Variants in PTPRD observed in about 807,000 individuals in gnomAD.
PTPRD encodes the protein receptor-type tyrosine-protein phosphatase delta.
PTPRD carries 34 observed loss-of-function variants against 214.5 expected under a neutral mutation model. That is an observed-to-expected ratio of 0.16 (90% CI 0.12 to 0.21). The LOEUF is 0.21. Ranked by LOEUF, PTPRD falls within the 10% of genes least tolerant of loss-of-function variation. The pLI is 1.00. For synonymous variants in PTPRD, 1,128 were observed against 845.7 expected (o/e 1.33, Z -5.79); for missense variants, 2,545 against 2,398.7 (o/e 1.06, Z -1.27).
At chr9:9,988,838 A>G (rs1416969998) in intron 4 of PTPRD, among the ~76,000 whole-genome samples, 1 of 151,886 alleles carries the variant, frequency 6.6e-6, no homozygotes, top group African/African-American at 2.4e-5. Flanking sequence ...ACATTATATA[A>G]GGGATATCTT....
chr9:9,903,061 G>C (rs1367354291), intron 5 of PTPRD, among the ~76,000 whole-genome samples: 1 of 135,354 alleles, frequency 7.4e-6, no homozygotes, highest in African/African-American at 3.0e-5. Flanking sequence ...ATATGTATAT[G>C]TGTATTTGAG....
intron 5 of PTPRD, among the ~76,000 whole-genome samples, chr9:9,915,564 T>A (rs2080492035): frequency 6.7e-6 from 1 of 150,238 alleles, no homozygotes; most frequent in Non-Finnish European, 1.5e-5. Context: ...ACAGAAGTAC[T>A]AAAGCTGAAT....
chr9:9,752,698 G>T (rs1267397086), intron 6 of PTPRD, among the ~76,000 whole-genome samples: 5 of 151,938 alleles, frequency 3.3e-5, no homozygotes, highest in African/African-American at 1.2e-4. Flanking sequence ...AGATGCAGTG[G>T]GGACGGAGGG....
At chr9:10,168,221 C>A (rs181882028) in intron 3 of PTPRD, among the ~76,000 whole-genome samples, 1 of 152,058 alleles carries the variant, frequency 6.6e-6, no homozygotes, top group Non-Finnish European at 1.5e-5. Context: ...GTAATAAAAT[C>A]TAGTTTAACA....
intron 3 of PTPRD, among the ~76,000 whole-genome samples, chr9:10,175,250 C>T (rs1357853984): frequency 6.6e-6 from 1 of 151,878 alleles, no homozygotes; most frequent in Admixed American, 6.6e-5. Context: ...AGTCTCTTCC[C>T]TTGAAAAACT....
intron 14 of PTPRD, among the ~76,000 whole-genome samples, chr9:8,567,995 T>C (rs2154221351): frequency 6.6e-6 from 1 of 152,286 alleles, no homozygotes; most frequent in African/African-American, 2.4e-5. Flanking sequence ...TCACGGAAAT[T>C]TAACAAAACT....
intron 36 of PTPRD, among the ~76,000 whole-genome samples, chr9:8,394,603 T>C (rs2090576330): frequency 6.6e-6 from 1 of 152,302 alleles, no homozygotes; most frequent in Non-Finnish European, 1.5e-5. Flanking sequence ...ACAAGATGTG[T>C]TGGACAAACT....
At chr9:8,491,783 A>T (rs113340640) in intron 27 of PTPRD, among the ~76,000 whole-genome samples, 11 of 152,150 alleles carry the variant, frequency 7.2e-5, no homozygotes, top group African/African-American at 2.7e-4. Flanking sequence ...TGACATTTAG[A>T]CAAAGCTGGC....
At chr9:8,793,834 T>C (rs892502) in intron 11 of PTPRD, among the ~76,000 whole-genome samples, 3,531 of 152,280 alleles carry the variant, frequency 0.023, 161 homozygotes, top group African/African-American at 0.08. Context: ...TATCTAGGTT[T>C]GTATTTTTGA....
intron 11 of PTPRD, among the ~76,000 whole-genome samples, chr9:8,773,296 T>G (rs2095315355): frequency 6.6e-6 from 1 of 152,226 alleles, no homozygotes; most frequent in South Asian, 2.1e-4. Flanking sequence ...TACTATGTCC[T>G]GCAGACTCCA....
intron 8 of PTPRD, among the ~76,000 whole-genome samples, chr9:9,553,422 C>G (rs9407427): frequency 3.9e-5 from 6 of 152,046 alleles, no homozygotes; most frequent in African/African-American, 1.4e-4. Flanking sequence ...AAGGTAATAA[C>G]AAATGACATA....
At chr9:10,186,109 A>G (rs888364569) in intron 3 of PTPRD, among the ~76,000 whole-genome samples, 3 of 151,884 alleles carry the variant, frequency 2.0e-5, no homozygotes, top group African/African-American at 4.8e-5. Context: ...TATTGAGGGC[A>G]GTATGAAAGT....
chr9:9,369,995 G>A (rs1388571743), intron 9 of PTPRD, among the ~76,000 whole-genome samples: 4 of 152,248 alleles, frequency 2.6e-5, no homozygotes, highest in African/African-American at 9.6e-5. Flanking sequence ...CCATTACCAC[G>A]ATGTTTTCGT....
chr9:10,380,868 A>G (rs974877363), intron 2 of PTPRD, among the ~76,000 whole-genome samples: 4 of 151,988 alleles, frequency 2.6e-5, no homozygotes, highest in African/African-American at 9.7e-5. Flanking sequence ...CGATTATGCT[A>G]TGATCAGAAT....
intron 3 of PTPRD, among the ~76,000 whole-genome samples, chr9:10,055,380 T>G (rs900413987): frequency 1.3e-5 from 2 of 152,116 alleles, no homozygotes; most frequent in Non-Finnish European, 2.9e-5. Context: ...ATAGGAGACA[T>G]TTTCCATATA....
At chr9:10,377,616 T>A (rs901693234) in intron 2 of PTPRD, among the ~76,000 whole-genome samples, 1 of 152,076 alleles carries the variant, frequency 6.6e-6, no homozygotes, top group Non-Finnish European at 1.5e-5. Flanking sequence ...ACAAAGGACA[T>A]GAACTCATCA....
chr9:9,609,278 A>C (rs1329003924), intron 7 of PTPRD, among the ~76,000 whole-genome samples: 2 of 152,196 alleles, frequency 1.3e-5, no homozygotes, highest in Non-Finnish European at 2.9e-5. Flanking sequence ...GATCATCAAT[A>C]AACCCGACAA....
chr9:10,536,861 C>G (rs1452090425), intron 2 of PTPRD, among the ~76,000 whole-genome samples: 1 of 152,118 alleles, frequency 6.6e-6, no homozygotes, highest in African/African-American at 2.4e-5. Context: ...TACCAATTTT[C>G]TTTTAAATCT....
intron 12 of PTPRD, among the ~76,000 whole-genome samples, chr9:8,652,897 G>C (rs183277162): frequency 6.6e-5 from 10 of 152,186 alleles, no homozygotes; most frequent in Non-Finnish European, 1.2e-4. Flanking sequence ...AGGTTATTGT[G>C]AGATAAGCCT....
Sources: gnomAD v4.1 joint callset for allele counts (sites outside exome capture counted in the v4.1 genomes callset) on GRCh38, gnomAD v4.1.1 for gene constraint, MANE v1.5 for transcripts, NCBI Gene and HGNC (gene_info 2026-07-23, HGNC 2026-07-21) for gene names.